PTAR1: variants seen among roughly 807,000 people sequenced by gnomAD.
PTAR1 encodes the protein protein prenyltransferase alpha subunit repeat containing 1, also known as protein prenyltransferase alpha subunit repeat-containing protein 1.
Under a neutral mutation model 45.5 loss-of-function variants are expected in PTAR1, and 17 were observed. The ratio of observed to expected loss-of-function variants is 0.37; its 90% CI spans 0.26 to 0.56. The LOEUF (loss-of-function observed/expected upper bound fraction) is 0.56. Ranked by LOEUF, PTAR1 falls within the 20% of genes least tolerant of loss-of-function variation. The pLI, the probability that PTAR1 is intolerant of heterozygous loss-of-function variation, is 0.77. For missense variants in PTAR1, 391 were observed against 476.3 expected (o/e 0.82, Z 1.67); for synonymous variants, 169 against 171.3 (o/e 0.99, Z 0.11).
chr9:69,730,929 T>A lies in PTAR1; in HGVS notation c.642+1210A>T, dbSNP rs185110057. 4.7e-3 allele frequency among the ~76,000 whole-genome samples: 709 copies of A among 152,198 alleles called. 3 individuals carry two copies. The highest frequency in any genetic ancestry group is 6.9e-3 in the Non-Finnish European group (471 of 68,006). Reference sequence around the variant, plus strand: ...TTACATCCATTAACTCAATTAACTCTCACAATAATCCACTGAGGCAGACAG... The same window carrying A: ...TTACATCCATTAACTCAATTAACTCACACAATAATCCACTGAGGCAGACAG... On this transcript the variant is annotated intron_variant, in intron 5 of 7. Transcript: ENST00000340434.
At chr9:69,749,687 A>G (rs984722754) in intron 2 of PTAR1, among the ~76,000 whole-genome samples, 28 of 152,136 alleles carry the variant, frequency 1.8e-4, no homozygotes, top group African/African-American at 6.8e-4. Flanking sequence ...TTATTAACCA[A>G]TTAATGACAG....
chr9:69,759,824 C>T lies in PTAR1; in HGVS notation c.86+29G>A, dbSNP rs760932388. The T allele has an allele frequency of 6.0e-6, 9 of 1,511,112 alleles. No individual in the cohort carries two copies. In the South Asian group the frequency reaches 1.1e-4, roughly 19 times the overall value. 93.6% of individuals were successfully genotyped at this position (1,511,112 alleles called of 1,614,324 possible). Reference sequence around the variant, plus strand: ...CCGCCCCCGCCCGCTCCCGACGACCCTCGGAGGCGGCGGAGGCGCGCGACT... The same window carrying T: ...CCGCCCCCGCCCGCTCCCGACGACCTTCGGAGGCGGCGGAGGCGCGCGACT... On this transcript the variant is annotated intron_variant, in intron 1 of 7. Coordinates refer to ENST00000340434, the MANE Select transcript of PTAR1 (RefSeq NM_001099666.2).
At chr9:69,734,362 A>C in intron 3 of PTAR1, 108 bp from the exon 4 acceptor site, 1 of 525,294 alleles carries the variant, frequency 1.9e-6, no homozygotes, top group Non-Finnish European at 3.1e-6. Context: ...CGAATGTCTA[A>C]GAATTTTAAA....
intron 2 of PTAR1, among the ~76,000 whole-genome samples, chr9:69,748,992 C>T (rs1179109213): frequency 6.6e-6 from 1 of 152,092 alleles, no homozygotes; most frequent in African/African-American, 2.4e-5. Context: ...TCAAAAGCTG[C>T]TTTTGTACAC....
chr9:69,749,055 G>A (rs555048614), intron 2 of PTAR1, among the ~76,000 whole-genome samples: 87 of 152,230 alleles, frequency 5.7e-4, no homozygotes, highest in African/African-American at 2.0e-3. Context: ...TCATGTGAGT[G>A]AGCTTAACCA....
Position 69,714,539 on chromosome 9 carries a change from C to T in PTAR1, c.*3803G>A, listed in dbSNP as rs577542770. On this transcript the variant is annotated 3_prime_UTR_variant, in exon 8 of 8. Transcript: ENST00000340434. ...ACACACACATACATGTGTGTGTGGC[C>T]CAACAAGAATAAACTGGCATGACCT... is the stretch of plus-strand genomic sequence containing the variant. 2 of 151,952 alleles carry T rather than the reference C, an allele frequency of 1.3e-5. No homozygotes were observed. Among genetic ancestry groups the T allele is most frequent in the East Asian group, 3.9e-4 (2 of 5,178 alleles). 9.4% of individuals were successfully genotyped at this position (151,952 alleles called of 1,614,324 possible).
intron 1 of PTAR1, among the ~76,000 whole-genome samples, chr9:69,755,395 T>G (rs1226799540): frequency 6.6e-6 from 1 of 152,220 alleles, no homozygotes; most frequent in Non-Finnish European, 1.5e-5. Flanking sequence ...GATACTGACT[T>G]TGTTCCTTAT....
At position 69,721,851 on chromosome 9, in the gene PTAR1, T is replaced by TA. The variant is rs376981980; in HGVS notation, c.947+1474dup. ...AGACATAATGCTGTTGCACACTTCT[T>TA]AGACTATAGTGTAATGTAAAAGTAA... On this transcript the variant is annotated intron_variant, in intron 6 of 7. Transcript: ENST00000340434. Among the ~76,000 whole-genome samples the TA allele has an allele frequency of 3.2e-3, 486 of 152,232 alleles. 5 individuals carry two copies. Among genetic ancestry groups the TA allele is most frequent in the African/African-American group, 0.011 (460 of 41,534 alleles).
At position 69,723,418 on chromosome 9, in the gene PTAR1, C is replaced by T; in HGVS notation, c.855G>A (p.Arg285=). Residue 285 remains arginine (R), a synonymous_variant, in exon 6 of 8, where the codon AGG becomes AGA. Coordinates refer to ENST00000340434, the MANE Select transcript of PTAR1 (RefSeq NM_001099666.2). The part of the protein sequence containing the change: ...EEAAVSTEEP[R]INLPHLLEEE... ...CTTCTAGAAGATGGGGAAGATTAAT[C>T]CTTGGTTCTTCTGTTGAAACTGCTG... The T allele has an allele frequency of 6.2e-7, 1 of 1,613,792 alleles. No homozygotes were observed. The highest frequency in any genetic ancestry group is 1.7e-4 in the Middle Eastern group (1 of 6,058).
chr9:69,739,962 T>C (rs1174650208), intron 3 of PTAR1, among the ~76,000 whole-genome samples: 1 of 152,160 alleles, frequency 6.6e-6, no homozygotes, highest in Non-Finnish European at 1.5e-5. Context: ...CAACCAGACA[T>C]ATTTTTTTAA....
rs1481276884 is a variant in PTAR1 at position 69,710,162 on chromosome 9, T to C, written c.*8180A>G. On this transcript the variant is annotated 3_prime_UTR_variant, in exon 8 of 8. Transcript: ENST00000340434. The stretch of plus-strand genomic sequence containing the variant: ...TATGAATCTGTACTGTCCAGTATAG[T>C]AGCCCTTAGCCATATGTGACTACTG... 1 of 152,084 alleles carries C rather than the reference T, an allele frequency of 6.6e-6. No individual in the cohort carries two copies. The highest frequency in any genetic ancestry group is 1.5e-5 in the Non-Finnish European group (1 of 67,978). 9.4% of individuals were successfully genotyped at this position (152,084 alleles called of 1,614,324 possible).
At chr9:69,726,646 G>C (rs1429024374) in intron 5 of PTAR1, among the ~76,000 whole-genome samples, 1 of 151,762 alleles carries the variant, frequency 6.6e-6, no homozygotes, top group Non-Finnish European at 1.5e-5. Context: ...TCACTAATAA[G>C]AATCACATTT....
intron 1 of PTAR1, chr9:69,757,132 T>C (rs1014208906): frequency 1.3e-5 from 2 of 152,144 alleles, no homozygotes; most frequent in African/African-American, 4.8e-5. Context: ...AAACAGTGAG[T>C]TCAATATTTA....
At chr9:69,757,891 G>A (rs1029736430) in intron 1 of PTAR1, 2 of 152,076 alleles carry the variant, frequency 1.3e-5, no homozygotes, top group African/African-American at 4.8e-5. Flanking sequence ...ATTGAAAATA[G>A]TTTTACTGTG....
chr9:69,737,089 A>ATATT (rs1554716881), intron 3 of PTAR1, among the ~76,000 whole-genome samples: 1 of 151,018 alleles, frequency 6.6e-6, no homozygotes, highest in Non-Finnish European at 1.5e-5. Flanking sequence ...AGTGCTATAT[A>ATATT]TTTTTTTTTA....
In PTAR1 at chr9:69,760,002, C is replaced by T. The variant is rs1827024780; in HGVS notation, c.-64G>A. ...TGAGCCGGGCCGCCGGCGGGAGTTC[C>T]GCGGAGAACGAGCGCGCGCGCGCGC... On this transcript the variant is annotated 5_prime_UTR_variant, in exon 1 of 8. Coordinates refer to ENST00000340434, the MANE Select transcript of PTAR1 (RefSeq NM_001099666.2). 4.5e-6 allele frequency: 6 copies of T among 1,329,262 alleles called. No homozygotes were observed. Among genetic ancestry groups the T allele is most frequent in the African/African-American group, 1.6e-5 (1 of 63,766 alleles). The allele number at this position is 1,329,262 out of a possible 1,614,324, so 82.3% of individuals were successfully genotyped here.
rs1246931231 is a variant in PTAR1, at chr9:69,718,487, C to T, written c.1064G>A (p.Arg355His). 6 of 1,613,746 alleles carry T rather than the reference C, an allele frequency of 3.7e-6. No homozygotes were observed. Among genetic ancestry groups the T allele is most frequent in the Middle Eastern group, 1.7e-4 (1 of 6,054 alleles). Residue 355 changes from arginine to histidine, a missense_variant, in exon 8 of 8, where the codon CGC (arginine) becomes CAC (histidine). Physicochemically the swap from Arg to His is conservative, Grantham distance 29. Coordinates refer to ENST00000340434, the MANE Select transcript of PTAR1 (RefSeq NM_001099666.2). ...SKQGYSQETK[R>H]LKRTPVPDSL... ...GTCTGGAACTGGCGTCCGCTTCAGG[C>T]GTTTGGTTTCCTGGGAATAGCCTTG...
At chr9:69,756,337 T>C (rs1211263052) in intron 1 of PTAR1, among the ~76,000 whole-genome samples, 2 of 152,210 alleles carry the variant, frequency 1.3e-5, no homozygotes, top group Non-Finnish European at 2.9e-5. Context: ...TCTCCCTGTT[T>C]TTATTCTAAG....
chr9:69,734,084 G>T, intron 4 of PTAR1, 66 bp downstream of exon 4: 3 of 920,202 alleles, frequency 3.3e-6, no homozygotes, highest in Non-Finnish European at 5.3e-6. Flanking sequence ...CCTCTCACAT[G>T]TCATGTTTCT....
Sources: allele counts gnomAD v4.1 joint callset (sites outside exome capture counted in the v4.1 genomes callset), GRCh38; gene constraint gnomAD v4.1.1; transcripts MANE v1.5; gene names NCBI Gene and HGNC (gene_info 2026-07-23, HGNC 2026-07-21).